Variants in RRM2 observed in about 807,000 individuals in gnomAD.
The protein encoded by RRM2 is ribonucleotide reductase regulatory subunit M2.
Under a neutral mutation model 45.9 loss-of-function variants are expected in RRM2, and 6 were observed. The observed-to-expected ratio is 0.13, with a 90% CI of 0.07 to 0.26. The LOEUF (loss-of-function observed/expected upper bound fraction) is 0.26, where lower values mean the gene tolerates loss of function less well. RRM2 is among the 10% of genes least tolerant of loss of function. The pLI is 1.00. For missense variants in RRM2, 343 were observed against 489.5 expected, an observed-to-expected ratio of 0.70 and a Z score of 2.82; for synonymous variants, 177 against 173.0, an observed-to-expected ratio of 1.02 and a Z score of -0.18.
upstream of RRM2, among the ~76,000 whole-genome samples, chr2:10,140,493 C>T (rs376368141): frequency 6.6e-5 from 10 of 152,176 alleles, no homozygotes; most frequent in South Asian, 1.0e-3. Context: ...CTGAGAGCTC[C>T]GTAGTGGACC....
chr2:10,185,241 CAG>C lies in RRM2; in HGVS notation n.483-25061_483-25060del, dbSNP rs1305089011. 1.3e-5 allele frequency among the ~76,000 whole-genome samples: 2 copies of C among 151,330 alleles called. No individual in the cohort carries two copies. Among genetic ancestry groups the C allele is most frequent in the African/African-American group, 2.4e-5 (1 of 41,222 alleles). On this transcript the variant is annotated intron_variant and non_coding_transcript_variant, in intron 3 of 3. Transcript: ENST00000381786. The surrounding 1 kb of genome is among the most constrained non-coding windows in gnomAD (Gnocchi z 4.3). ...TGGCTGCTGACTCCAGGACAAGAGACAGAGAGAGAGCGTGAAAGCGAGACAGA... is the reference window on the plus strand; with the variant it reads ...TGGCTGCTGACTCCAGGACAAGAGACAGAGAGAGCGTGAAAGCGAGACAGA...
rs536609619 is a variant in RRM2 at position 10,204,650 on chromosome 2, G to A, written n.483-5661G>A. Among the ~76,000 whole-genome samples the A allele has an allele frequency of 2.6e-5, 4 of 152,348 alleles. No homozygotes were observed. Among genetic ancestry groups the A allele is most frequent in the African/African-American group, 4.8e-5 (2 of 41,588 alleles). On this transcript the variant is annotated intron_variant and non_coding_transcript_variant, in intron 3 of 3. Transcript: ENST00000381786. This position sits in a 1 kb window ranked among gnomAD's most constrained non-coding sequence, Gnocchi z 4.0. Reference sequence around the variant, plus strand: ...AGGGACAGGACGCTAATGCATCGGCGCCCCATTGATTCTGCCTGGCTTTTG... The same window carrying A: ...AGGGACAGGACGCTAATGCATCGGCACCCCATTGATTCTGCCTGGCTTTTG...
intron 3 of RRM2, among the ~76,000 whole-genome samples, chr2:10,200,522 CTGCGCGCACAAATTATGAGTCCCACAGGG>C (rs1664536538): frequency 1.9e-4 from 2 of 10,382 alleles, no homozygotes; most frequent in African/African-American, 3.5e-4. Flanking sequence ...CCCACAGGGA[CTGCGCGCACAAATTATGAGTCCCACAGGG>C]ACCGCGCGCG....
chr2:10,146,735 G>T (rs945665346), intron 3 of RRM2, among the ~76,000 whole-genome samples: 5 of 152,246 alleles, frequency 3.3e-5, no homozygotes, highest in Admixed American at 3.3e-4. Flanking sequence ...GTAGGGAGGA[G>T]GAGGAGGGAG....
intron 3 of RRM2, among the ~76,000 whole-genome samples, chr2:10,182,686 G>A (rs1664085394): frequency 6.6e-6 from 1 of 152,150 alleles, no homozygotes; most frequent in East Asian, 1.9e-4. Context: ...GTCCTTAATA[G>A]GATGAGCCAT....
At position 10,128,287 on chromosome 2, in the gene RRM2, C is replaced by T. The variant is rs184696021; in HGVS notation, c.799-561C>T. Among the ~76,000 whole-genome samples, 19 of 152,284 alleles carry T rather than the reference C, an allele frequency of 1.2e-4. No individual in the cohort carries two copies. The East Asian group carries it at 3.7e-3, about 29-fold the overall frequency. On this transcript the variant is annotated intron_variant, in intron 7 of 9. Transcript: ENST00000304567. ...GTCTAGTGTATGTCTTTGATTAAGTCACATTTGAAAAGCCAGGAGCATGAA... is the reference window on the plus strand; with the variant it reads ...GTCTAGTGTATGTCTTTGATTAAGTTACATTTGAAAAGCCAGGAGCATGAA...
At chr2:10,143,506 C>T (rs1034501726) in intron 3 of RRM2, among the ~76,000 whole-genome samples, 5 of 152,224 alleles carry the variant, frequency 3.3e-5, no homozygotes, top group Non-Finnish European at 7.3e-5. Flanking sequence ...CCTGGCCAGG[C>T]ACTCTCAGTG....
intron 3 of RRM2, among the ~76,000 whole-genome samples, chr2:10,176,506 G>T (rs1012049371): frequency 1.3e-5 from 2 of 152,192 alleles, no homozygotes; most frequent in Non-Finnish European, 2.9e-5. Flanking sequence ...AACCTCAGGT[G>T]ATCTGCCCGC....
chr2:10,156,348 G>A (rs1479384029), intron 3 of RRM2: 1 of 152,212 alleles, frequency 6.6e-6, no homozygotes, highest in Admixed American at 6.5e-5. Context: ...TGCTATAATG[G>A]ATCAGAGATA....
At chr2:10,134,632 A>G (rs891437435), downstream of RRM2, among the ~76,000 whole-genome samples, 7 of 152,212 alleles carry the variant, frequency 4.6e-5, no homozygotes, top group African/African-American at 1.7e-4. Flanking sequence ...CACAACAGAT[A>G]AAAGGAAAAA....
chr2:10,148,070 G>A (rs1663227477), intron 3 of RRM2, among the ~76,000 whole-genome samples: 1 of 150,056 alleles, frequency 6.7e-6, no homozygotes, highest in Non-Finnish European at 1.5e-5. Context: ...CTTGAACCTG[G>A]GAAGTGGAGG....
chr2:10,172,183 C>T lies in RRM2; in HGVS notation n.482+29808C>T, dbSNP rs981595994. On this transcript the variant is annotated intron_variant and non_coding_transcript_variant, in intron 3 of 3. Coordinates refer to the RRM2 transcript ENST00000381786. The surrounding 1 kb of genome is among the most constrained non-coding windows in gnomAD (Gnocchi z 4.9). Reference sequence around the variant, plus strand: ...CTACATACTAACTAGCCTGCTGTGTCGCCTTGCAAGGGGTGAGATTTCTCT... The same window carrying T: ...CTACATACTAACTAGCCTGCTGTGTTGCCTTGCAAGGGGTGAGATTTCTCT... 3.3e-5 allele frequency among the ~76,000 whole-genome samples: 5 copies of T among 152,164 alleles called. No individual in the cohort carries two copies. Among genetic ancestry groups the T allele is most frequent in the Admixed American group, 6.5e-5 (1 of 15,284 alleles).
At position 10,131,251 on chromosome 2, in the gene RRM2, A is replaced by G. The variant is rs1662895448; in HGVS notation, c.*1865A>G. 6.6e-6 allele frequency: 1 copy of G among 152,226 alleles called. No individual in the cohort carries two copies. The highest frequency in any genetic ancestry group is 2.4e-5 in the African/African-American group (1 of 41,464). 9.4% of individuals were successfully genotyped at this position (152,226 alleles called of 1,614,324 possible). Reference sequence around the variant, plus strand: ...TTGTGAGGTACAGGCGGAAGTTGGAATCAGGTTTTAGGATTCTGTCTCTCA... The same window carrying G: ...TTGTGAGGTACAGGCGGAAGTTGGAGTCAGGTTTTAGGATTCTGTCTCTCA... On this transcript the variant is annotated 3_prime_UTR_variant, in exon 10 of 10. Coordinates refer to ENST00000304567, the MANE Select transcript of RRM2 (RefSeq NM_001034.4).
chr2:10,200,123 G>A (rs1020825478), intron 3 of RRM2, among the ~76,000 whole-genome samples: 3 of 152,128 alleles, frequency 2.0e-5, no homozygotes, highest in Non-Finnish European at 2.9e-5. Flanking sequence ...GTGAACCACC[G>A]CACCCAGCTG....
chr2:10,190,224 GTGATGGTGA>G (rs1280805411), intron 3 of RRM2, among the ~76,000 whole-genome samples: 3 of 148,700 alleles, frequency 2.0e-5, no homozygotes, highest in Non-Finnish European at 4.5e-5. Flanking sequence ...GGAGATGATA[GTGATGGTGA>G]TGATGGTGGT....
intron 3 of RRM2, among the ~76,000 whole-genome samples, chr2:10,144,682 G>A (rs1488042362): frequency 6.6e-6 from 1 of 152,170 alleles, no homozygotes. Flanking sequence ...AAGGGCTCCG[G>A]AGATATTTAT....
chr2:10,188,596 T>TG (rs113177087), intron 3 of RRM2, among the ~76,000 whole-genome samples: 4,558 of 152,046 alleles, frequency 0.03, 240 homozygotes, highest in African/African-American at 0.1. Context: ...CATATGGATT[T>TG]GGGGGGACAC....
chr2:10,138,092 C>A (rs1663022160), upstream of RRM2, among the ~76,000 whole-genome samples: 1 of 152,114 alleles, frequency 6.6e-6, no homozygotes, highest in Non-Finnish European at 1.5e-5. Flanking sequence ...CCTCTGCCTC[C>A]CAGGTTCAAG....
Position 10,195,160 on chromosome 2 carries a change from C to T in RRM2, n.483-15151C>T, listed in dbSNP as rs920889982. Among the ~76,000 whole-genome samples, 73 of 151,996 alleles carry T rather than the reference C, an allele frequency of 4.8e-4. 1 individual carries two copies. Among genetic ancestry groups the T allele is most frequent in the African/African-American group, 1.7e-3 (71 of 41,376 alleles). On this transcript the variant is annotated intron_variant and non_coding_transcript_variant, in intron 3 of 3. Coordinates refer to the RRM2 transcript ENST00000381786. The surrounding 1 kb of genome is among the most constrained non-coding windows in gnomAD (Gnocchi z 4.9). ...GTGGTCTGAGCTCCTGGGGAGCTAC[C>T]GAGGGCAACAGGCATGTTCTGGAAG...
Sources: allele counts gnomAD v4.1 joint callset (sites outside exome capture counted in the v4.1 genomes callset), GRCh38; gene constraint gnomAD v4.1.1; non-coding constraint Gnocchi (gnomAD v3.1); transcripts MANE v1.5; gene names NCBI Gene and HGNC (gene_info 2026-07-23, HGNC 2026-07-21).